Variants in IQSEC3 observed in about 807,000 individuals in gnomAD.
IQSEC3 encodes the protein IQ motif and SEC7 domain-containing protein 3.
In IQSEC3, 50 loss-of-function variants were observed where a neutral mutation model predicts 105.4. That is an observed-to-expected ratio of 0.47 (90% CI 0.38 to 0.60). The LOEUF (loss-of-function observed/expected upper bound fraction) is 0.60, where lower values mean the gene tolerates loss of function less well. IQSEC3 is among the 20% of genes least tolerant of loss of function. The pLI, the probability that IQSEC3 is intolerant of heterozygous loss-of-function variation, is 0.00. For synonymous variants in IQSEC3, 708 were observed against 746.0 expected (o/e 0.95, Z 0.83); for missense variants, 1,415 against 1,630.0 (o/e 0.87, Z 2.27).
chr12:84,348 C>T (rs1371140772), intron 1 of IQSEC3, among the ~76,000 whole-genome samples: 3 of 152,240 alleles, frequency 2.0e-5, no homozygotes, highest in Admixed American at 6.5e-5. Flanking sequence ...CACATCCCTG[C>T]GTGGCCCATA....
intron 2 of IQSEC3, among the ~76,000 whole-genome samples, chr12:112,448 T>G (rs1864922064): frequency 6.6e-6 from 1 of 152,138 alleles, no homozygotes. Flanking sequence ...GTATACATTA[T>G]TTCCTTCAAA....
At chr12:150,690 G>A (rs1360052308) in intron 5 of IQSEC3, among the ~76,000 whole-genome samples, 2 of 152,248 alleles carry the variant, frequency 1.3e-5, no homozygotes, top group Non-Finnish European at 2.9e-5. Context: ...GCCGTGACAA[G>A]AGAAGTGTTA....
Position 178,319 on chromosome 12 carries a change from CCT to C in IQSEC3, c.*3291_*3292del, listed in dbSNP as rs1939300694. 6.6e-6 allele frequency: 1 copy of C among 151,996 alleles called. No individual in the cohort carries two copies. The highest frequency in any genetic ancestry group is 2.4e-5 in the African/African-American group (1 of 41,390). 9.4% of individuals were successfully genotyped at this position (151,996 alleles called of 1,614,324 possible). On this transcript the variant is annotated 3_prime_UTR_variant, in exon 14 of 14. Transcript: ENST00000538872. ...ACCCGTCACCCATGAGAGAGAGAAACCTCTCTAGGGAAAGGCAGGGTGGCTGC... is the reference window on the plus strand; with the variant it reads ...ACCCGTCACCCATGAGAGAGAGAAACCTCTAGGGAAAGGCAGGGTGGCTGC...
At chr12:166,943 GTCATTT>G (rs2137060973) in intron 11 of IQSEC3, 1 of 152,332 alleles carries the variant, frequency 6.6e-6, no homozygotes, top group East Asian at 1.9e-4. Flanking sequence ...GTTAGAAACT[GTCATTT>G]TCATTTACGT....
intron 3 of IQSEC3, among the ~76,000 whole-genome samples, chr12:136,565 G>A (rs1430908604): frequency 6.6e-6 from 1 of 151,896 alleles, no homozygotes; most frequent in African/African-American, 2.4e-5. Context: ...CTGTACCCTC[G>A]CCATCCATGA....
chr12:130,510 CCATGGAAGTGGCACA>C (rs1865552311), intron 3 of IQSEC3, among the ~76,000 whole-genome samples: 1 of 152,202 alleles, frequency 6.6e-6, no homozygotes. Flanking sequence ...GGAACAGGCC[CCATGGAAGTGGCACA>C]CAGGGTCTGT....
intron 1 of IQSEC3, among the ~76,000 whole-genome samples, chr12:90,072 T>C (rs1226528182): frequency 1.3e-5 from 2 of 152,286 alleles, no homozygotes; most frequent in African/African-American, 4.8e-5. Flanking sequence ...CGCACCCTTG[T>C]CAACACTCGG....
intron 7 of IQSEC3, among the ~76,000 whole-genome samples, chr12:161,217 G>A (rs879967646): frequency 1.3e-5 from 2 of 152,204 alleles, no homozygotes; most frequent in Admixed American, 1.3e-4. Context: ...GAAGCGTATA[G>A]TCATTAAAGA....
chr12:144,671 C>G (rs541791283), intron 5 of IQSEC3: 1 of 152,300 alleles, frequency 6.6e-6, no homozygotes, highest in East Asian at 1.9e-4. Flanking sequence ...AGAATTCGGC[C>G]CTCAGCGCTC....
At chr12:137,014 C>T (rs1591703039) in intron 3 of IQSEC3, among the ~76,000 whole-genome samples, 2 of 152,212 alleles carry the variant, frequency 1.3e-5, no homozygotes, top group African/African-American at 2.4e-5. Flanking sequence ...TCAGATCTGC[C>T]CAGGTGAGGT....
chr12:77,981 C>T (rs1374392408), intron 1 of IQSEC3, among the ~76,000 whole-genome samples: 132 of 151,894 alleles, frequency 8.7e-4, no homozygotes, highest in Non-Finnish European at 1.4e-3. Context: ...CTCGCACTTC[C>T]TCGCGGGGGC....
Position 161,917 on chromosome 12 carries a change from CGTT to C in IQSEC3, c.2444-5_2444-3del. On this transcript the variant is annotated splice_polypyrimidine_tract_variant and splice_region_variant and intron_variant, in intron 7 of 13. Transcript: ENST00000538872. ...CCCACCACCACCCCTGCCCACTCCA[CGTT>C]GTTAGGTGTGGACGATGGCGCTGAC... The C allele has an allele frequency of 1.3e-6, 2 of 1,591,992 alleles. No individual in the cohort carries two copies.
chr12:74,597 G>A (rs1396077067), intron 1 of IQSEC3, among the ~76,000 whole-genome samples: 1 of 152,264 alleles, frequency 6.6e-6, no homozygotes, highest in Non-Finnish European at 1.5e-5. Context: ...TGGCAGGTGG[G>A]CTGCTATGGT....
chr12:144,175 C>A (rs184151535), intron 5 of IQSEC3: 1 of 152,194 alleles, frequency 6.6e-6, no homozygotes, highest in Non-Finnish European at 1.5e-5. Context: ...CCCTGTCCTG[C>A]AAAGGGCAGG....
intron 2 of IQSEC3, among the ~76,000 whole-genome samples, chr12:114,339 G>A (rs1171417480): frequency 6.6e-6 from 1 of 152,230 alleles, no homozygotes; most frequent in East Asian, 1.9e-4. Context: ...ACACCTCAGG[G>A]ACCTGAACAA....
At chr12:94,518 G>A (rs1555074290) in intron 1 of IQSEC3, among the ~76,000 whole-genome samples, 2 of 152,222 alleles carry the variant, frequency 1.3e-5, no homozygotes, top group African/African-American at 4.8e-5. Flanking sequence ...GGAGGTGGAT[G>A]GAGGAGCGCA....
At chr12:90,472 A>G (rs1350194954) in intron 1 of IQSEC3, among the ~76,000 whole-genome samples, 1 of 152,130 alleles carries the variant, frequency 6.6e-6, no homozygotes, top group African/African-American at 2.4e-5. Flanking sequence ...CTGTTATTTT[A>G]AGTCTATGAT....
chr12:73,672 C>CA (rs1201115388), intron 1 of IQSEC3, among the ~76,000 whole-genome samples: 125 of 148,142 alleles, frequency 8.4e-4, no homozygotes, highest in Middle Eastern at 3.5e-3. Flanking sequence ...TCCATGACCC[C>CA]AAAAAAAAAG....
chr12:84,929 G>A (rs1447933187), intron 1 of IQSEC3, among the ~76,000 whole-genome samples: 1 of 152,120 alleles, frequency 6.6e-6, no homozygotes, highest in Non-Finnish European at 1.5e-5. Flanking sequence ...TGGGGTCAGG[G>A]GGTACAGTGA....
Sources: gnomAD v4.1 joint callset for allele counts (sites outside exome capture counted in the v4.1 genomes callset) on GRCh38, gnomAD v4.1.1 for gene constraint, MANE v1.5 for transcripts, NCBI Gene and HGNC (gene_info 2026-07-23, HGNC 2026-07-21) for gene names.